SSH2: variants seen among roughly 807,000 people sequenced by gnomAD.
The protein encoded by SSH2 is protein phosphatase Slingshot homolog 2.
In SSH2, 37 loss-of-function variants were observed where a neutral mutation model predicts 135.2. That is an observed-to-expected ratio of 0.27 (90% CI 0.21 to 0.36). The LOEUF is 0.36. Among genes scored for constraint, SSH2 ranks in the 10% least tolerant of loss-of-function variants. The pLI, the probability that SSH2 is intolerant of heterozygous loss-of-function variation, is 1.00. For synonymous variants in SSH2, 628 were observed against 646.2 expected (o/e 0.97, Z 0.43); for missense variants, 1,408 against 1,765.3 (o/e 0.80, Z 3.63).
intron 1 of SSH2, among the ~76,000 whole-genome samples, chr17:29,851,072 G>A (rs1465282463): frequency 2.6e-5 from 4 of 152,014 alleles, no homozygotes; most frequent in Non-Finnish European, 4.4e-5. Context: ...ATTTTGGAGG[G>A]GGGAGAATAA....
intron 1 of SSH2, among the ~76,000 whole-genome samples, chr17:29,877,768 C>CAA (rs200656149): frequency 1.4e-5 from 2 of 143,310 alleles, no homozygotes; most frequent in African/African-American, 2.6e-5. Flanking sequence ...TAATGGGTAC[C>CAA]AAAAAAAAAA....
Position 29,655,543 on chromosome 17 carries a change from A to G in SSH2, c.1079+18T>C, listed in dbSNP as rs1341059421. ...CTTCTGTTACACAGGGGTGCCAGCT[A>G]TTGCTTTGTGTGCTTACCCTCGGTT... is the stretch of plus-strand genomic sequence containing the variant. On this transcript the variant is annotated intron_variant, in intron 12 of 15. Transcript: ENST00000540801. 2 of 1,613,526 alleles carry G rather than the reference A, an allele frequency of 1.2e-6. No individual in the cohort carries two copies. The highest frequency in any genetic ancestry group is 2.2e-5 in the East Asian group (1 of 44,880).
chr17:29,835,495 C>A (rs567432820), intron 2 of SSH2, among the ~76,000 whole-genome samples: 1 of 152,296 alleles, frequency 6.6e-6, no homozygotes, highest in South Asian at 2.1e-4. Context: ...CATCATCTGA[C>A]ACTTCGTAGT....
At chr17:29,741,180 CAT>C in intron 3 of SSH2, among the ~76,000 whole-genome samples, 1 of 152,268 alleles carries the variant, frequency 6.6e-6, no homozygotes, top group South Asian at 2.1e-4. Flanking sequence ...CTGAAAGAAT[CAT>C]ATTTTTAAAA....
At chr17:29,635,637 T>G (rs895988799) in intron 15 of SSH2, among the ~76,000 whole-genome samples, 13 of 152,078 alleles carry the variant, frequency 8.5e-5, no homozygotes, top group Admixed American at 7.2e-4. Flanking sequence ...TTCGATCTCC[T>G]GACCTTGTGA....
chr17:29,763,769 C>T (rs978725170), intron 3 of SSH2, among the ~76,000 whole-genome samples: 1 of 152,256 alleles, frequency 6.6e-6, no homozygotes, highest in South Asian at 2.1e-4. Context: ...CCTATAGCGA[C>T]GCCCCAGAAG....
intron 5 of SSH2, among the ~76,000 whole-genome samples, chr17:29,692,154 AT>A (rs960491314): frequency 7.2e-5 from 8 of 111,594 alleles, no homozygotes; most frequent in Non-Finnish European, 1.3e-4. Flanking sequence ...AAATAAATAA[AT>A]AAATAAAAAA....
intron 2 of SSH2, among the ~76,000 whole-genome samples, chr17:29,821,467 T>A (rs2042649267): frequency 6.6e-6 from 1 of 151,592 alleles, no homozygotes; most frequent in African/African-American, 2.4e-5. Context: ...AAATATTTAT[T>A]GAACAAGCGA....
intron 13 of SSH2, among the ~76,000 whole-genome samples, chr17:29,648,645 A>ATTAC (rs1379828233): frequency 1.3e-5 from 2 of 152,276 alleles, no homozygotes; most frequent in Non-Finnish European, 2.9e-5. Context: ...TGCAAAGGTA[A>ATTAC]GTAACATACA....
chr17:29,717,473 T>C (rs953901192), intron 3 of SSH2, among the ~76,000 whole-genome samples: 5 of 152,212 alleles, frequency 3.3e-5, no homozygotes, highest in African/African-American at 1.2e-4. Context: ...CCAGCTTCTT[T>C]TGAAAAATCA....
intron 3 of SSH2, among the ~76,000 whole-genome samples, chr17:29,790,446 T>C (rs1209806014): frequency 6.6e-6 from 1 of 152,210 alleles, no homozygotes; most frequent in East Asian, 1.9e-4. Flanking sequence ...GAGAAATAAA[T>C]GTCTGTTGTT....
At chr17:29,913,069 G>C (rs1294820037) in intron 1 of SSH2, among the ~76,000 whole-genome samples, 1 of 151,156 alleles carries the variant, frequency 6.6e-6, no homozygotes, top group Non-Finnish European at 1.5e-5. Context: ...TGTAATCCCA[G>C]CACTTTGGGA....
intron 3 of SSH2, among the ~76,000 whole-genome samples, chr17:29,737,384 T>G (rs2040408508): frequency 6.6e-6 from 1 of 152,152 alleles, no homozygotes; most frequent in African/African-American, 2.4e-5. Flanking sequence ...AGCTAATTAT[T>G]TATTTATAAT....
chr17:29,714,457 C>A (rs1211892334), intron 3 of SSH2, among the ~76,000 whole-genome samples: 2 of 152,160 alleles, frequency 1.3e-5, no homozygotes, highest in South Asian at 2.1e-4. Flanking sequence ...TTCTCTTTCA[C>A]CCTTGGCAAT....
intron 3 of SSH2, among the ~76,000 whole-genome samples, chr17:29,755,146 C>T (rs1598942675): frequency 6.6e-6 from 1 of 152,152 alleles, no homozygotes; most frequent in Non-Finnish European, 1.5e-5. Context: ...ATACAGGCTT[C>T]CATATTTTTC....
At chr17:29,646,444 C>A (rs2036371350) in intron 14 of SSH2, among the ~76,000 whole-genome samples, 1 of 152,102 alleles carries the variant, frequency 6.6e-6, no homozygotes, top group African/African-American at 2.4e-5. Context: ...GTATTGAGCT[C>A]ATTAACTATT....
intron 3 of SSH2, among the ~76,000 whole-genome samples, chr17:29,777,240 A>T (rs1446220367): frequency 6.6e-6 from 1 of 152,090 alleles, no homozygotes; most frequent in Non-Finnish European, 1.5e-5. Flanking sequence ...AAAAAATTTT[A>T]AATTCATTAT....
chr17:29,811,571 G>GTTT (rs11411731), intron 2 of SSH2, among the ~76,000 whole-genome samples: 3 of 149,290 alleles, frequency 2.0e-5, no homozygotes, highest in South Asian at 2.1e-4. Flanking sequence ...TGAACCACAA[G>GTTT]TTTTTTTTTT....
In SSH2 at chr17:29,900,002, G is replaced by C. The variant is rs544063317; in HGVS notation, c.63+29936C>G. ...ACATATCTACAACTATCTGATCTTTGACAAACCTGAGAAAAACAAGCAATG... is the reference window on the plus strand; with the variant it reads ...ACATATCTACAACTATCTGATCTTTCACAAACCTGAGAAAAACAAGCAATG... On this transcript the variant is annotated intron_variant, in intron 1 of 15. Transcript: ENST00000540801. Among the ~76,000 whole-genome samples the C allele has an allele frequency of 7.3e-3, 1,107 of 152,078 alleles. 19 individuals are homozygous for C. The highest frequency in any genetic ancestry group is 0.025 in the African/African-American group (1,052 of 41,472).
Sources: allele counts gnomAD v4.1 joint callset (sites outside exome capture counted in the v4.1 genomes callset), GRCh38; gene constraint gnomAD v4.1.1; transcripts MANE v1.5; gene names NCBI Gene and HGNC (gene_info 2026-07-23, HGNC 2026-07-21).